Variants in NTRK3 observed in about 807,000 individuals in gnomAD.
NTRK3 encodes neurotrophic receptor tyrosine kinase 3, also known as NT-3 growth factor receptor.
Under a neutral mutation model 91.7 loss-of-function variants are expected in NTRK3, and 24 were observed. The ratio of observed to expected loss-of-function variants is 0.26; its 90% CI spans 0.19 to 0.37. The LOEUF is 0.37. Ranked by LOEUF, NTRK3 falls within the 10% of genes least tolerant of loss-of-function variation. The pLI, the probability that NTRK3 is intolerant of heterozygous loss-of-function variation, is 1.00. For missense variants in NTRK3, 880 were observed against 1,068.9 expected (o/e 0.82, Z 2.46); for synonymous variants, 483 against 404.0 (o/e 1.20, Z -2.34).
At chr15:87,905,712 G>C (rs1449303838) in intron 17 of NTRK3, among the ~76,000 whole-genome samples, 2 of 152,062 alleles carry the variant, frequency 1.3e-5, no homozygotes, top group Admixed American at 1.3e-4. Flanking sequence ...TCAGCACTCT[G>C]CATGCATTCT....
intron 14 of NTRK3, among the ~76,000 whole-genome samples, chr15:87,960,573 C>T (rs1054606067): frequency 2.0e-5 from 3 of 152,114 alleles, no homozygotes; most frequent in African/African-American, 7.2e-5. Flanking sequence ...CAACCTCTGC[C>T]TCCCAGGTTC....
chr15:88,020,177 T>C (rs1028399765), intron 14 of NTRK3, among the ~76,000 whole-genome samples: 1 of 152,082 alleles, frequency 6.6e-6, no homozygotes, highest in Non-Finnish European at 1.5e-5. Flanking sequence ...TTAAGTTTGA[T>C]GACAAAGGGA....
intron 5 of NTRK3, among the ~76,000 whole-genome samples, chr15:88,154,255 T>A (rs1323793593): frequency 6.6e-6 from 1 of 152,104 alleles, no homozygotes; most frequent in Admixed American, 6.6e-5. Flanking sequence ...ACCAGAGGTA[T>A]CTGCAGCCTA....
chr15:87,911,423 TC>T (rs2067081507), intron 17 of NTRK3, among the ~76,000 whole-genome samples: 3 of 152,208 alleles, frequency 2.0e-5, no homozygotes, highest in Admixed American at 1.3e-4. Context: ...AAACCTCATG[TC>T]CAGCACAGGC....
intron 14 of NTRK3, among the ~76,000 whole-genome samples, chr15:87,941,935 C>T (rs1004095891): frequency 6.6e-6 from 1 of 152,202 alleles, no homozygotes; most frequent in Admixed American, 6.5e-5. Flanking sequence ...TTTTGAAGAG[C>T]ATTGCTGAGC....
At chr15:87,983,359 C>T (rs1362357632) in intron 14 of NTRK3, among the ~76,000 whole-genome samples, 1 of 152,272 alleles carries the variant, frequency 6.6e-6, no homozygotes, top group Admixed American at 6.5e-5. Flanking sequence ...CCACCTTTCC[C>T]CCAAGAGGTA....
chr15:88,236,852 C>T (rs952594226), intron 3 of NTRK3, among the ~76,000 whole-genome samples: 1 of 141,678 alleles, frequency 7.1e-6, no homozygotes, highest in Non-Finnish European at 1.6e-5. Context: ...ACAGTGGCTC[C>T]CCCTGGGGAG....
At chr15:88,030,768 TA>T (rs60683158) in intron 14 of NTRK3, among the ~76,000 whole-genome samples, 18,323 of 151,502 alleles carry the variant, frequency 0.12, 1,156 homozygotes, top group Middle Eastern at 0.17. Flanking sequence ...TCTTCCTTTT[TA>T]AAAAAAAATC....
intron 17 of NTRK3, among the ~76,000 whole-genome samples, chr15:87,923,329 G>C (rs1468584931): frequency 6.6e-6 from 1 of 152,140 alleles, no homozygotes; most frequent in Non-Finnish European, 1.5e-5. Flanking sequence ...CCCACTTTCA[G>C]GCCAGGTCTA....
chr15:87,914,228 C>T (rs1168776928), intron 17 of NTRK3, among the ~76,000 whole-genome samples: 2 of 152,184 alleles, frequency 1.3e-5, no homozygotes, highest in Non-Finnish European at 2.9e-5. Flanking sequence ...TAATGTGATT[C>T]TCTGTGTGCA....
intron 13 of NTRK3, among the ~76,000 whole-genome samples, chr15:88,094,211 A>C (rs2049330574): frequency 6.6e-6 from 1 of 152,142 alleles, no homozygotes; most frequent in African/African-American, 2.4e-5. Flanking sequence ...TCACGCCTGT[A>C]ATCCCAGCAC....
intron 3 of NTRK3, among the ~76,000 whole-genome samples, chr15:88,230,385 T>G (rs2051077501): frequency 6.6e-6 from 1 of 152,162 alleles, no homozygotes; most frequent in African/African-American, 2.4e-5. Flanking sequence ...GCACATGTTC[T>G]CATTTTGGAT....
intron 13 of NTRK3, among the ~76,000 whole-genome samples, chr15:88,069,877 A>G (rs2046959626): frequency 6.6e-6 from 1 of 152,186 alleles, no homozygotes; most frequent in Non-Finnish European, 1.5e-5. Context: ...GCCCAGAAAT[A>G]CAAGGTGCCT....
chr15:87,994,357 C>G (rs2075520936), intron 14 of NTRK3, among the ~76,000 whole-genome samples: 1 of 152,170 alleles, frequency 6.6e-6, no homozygotes. Context: ...GGGCCCTAAT[C>G]CAATATTACT....
intron 17 of NTRK3, among the ~76,000 whole-genome samples, chr15:87,917,928 A>G (rs1160670316): frequency 6.6e-6 from 1 of 152,006 alleles, no homozygotes; most frequent in Non-Finnish European, 1.5e-5. Context: ...ACATAGCCAC[A>G]AGTGTTTTTT....
chr15:88,168,348 G>C (rs1398948896), intron 5 of NTRK3, among the ~76,000 whole-genome samples: 1 of 152,044 alleles, frequency 6.6e-6, no homozygotes, highest in Non-Finnish European at 1.5e-5. Context: ...GGGAGCCGGG[G>C]GAGAAGAAGA....
At chr15:88,201,256 G>C (rs1335454102) in intron 3 of NTRK3, among the ~76,000 whole-genome samples, 1 of 152,126 alleles carries the variant, frequency 6.6e-6, no homozygotes. Flanking sequence ...CCTTTGACCT[G>C]AGCCCACCTA....
intron 14 of NTRK3, among the ~76,000 whole-genome samples, chr15:87,998,309 A>C: frequency 6.6e-6 from 1 of 152,330 alleles, no homozygotes; most frequent in Non-Finnish European, 1.5e-5. Context: ...TCCATGTTTA[A>C]CCATAACATA....
At chr15:88,195,554 C>T (rs1162229414) in intron 3 of NTRK3, among the ~76,000 whole-genome samples, 1 of 152,208 alleles carries the variant, frequency 6.6e-6, no homozygotes, top group African/African-American at 2.4e-5. Flanking sequence ...CAAGCTGTGC[C>T]CATGGGATTG....
Sources: allele counts gnomAD v4.1 joint callset (sites outside exome capture counted in the v4.1 genomes callset), GRCh38; gene constraint gnomAD v4.1.1; transcripts MANE v1.5; gene names NCBI Gene and HGNC (gene_info 2026-07-23, HGNC 2026-07-21).